The following ASIC2 variants were observed in gnomAD, a reference collection of about 807,000 sequenced individuals.
ASIC2 encodes the protein acid-sensing ion channel 2.
In ASIC2, 25 loss-of-function variants were observed where a neutral mutation model predicts 57.3. The observed-to-expected ratio is 0.44, with a 90% CI of 0.32 to 0.61. The LOEUF (loss-of-function observed/expected upper bound fraction) is 0.61. Among genes scored for constraint, ASIC2 ranks in the 20% least tolerant of loss-of-function variants. ASIC2 has a pLI of 0.06. For missense variants in ASIC2, 641 were observed against 738.1 expected (o/e 0.87, Z 1.52); for synonymous variants, 319 against 307.5 (o/e 1.04, Z -0.39).
At chr17:33,507,428 T>C (rs927357298) in intron 1 of ASIC2, among the ~76,000 whole-genome samples, 1 of 152,188 alleles carries the variant, frequency 6.6e-6, no homozygotes, top group Non-Finnish European at 1.5e-5. Context: ...ATTTTCTGAT[T>C]TCCTACCTAG....
rs928786273 is a variant in ASIC2 at position 33,366,960 on chromosome 17, C to T, written c.556-254893G>A. ...GCAAATAGTTTCACTTTCAGTGTTT[C>T]GTGGACTAAGCATTCCCTTTGCTTA... On this transcript the variant is annotated intron_variant, in intron 1 of 9. Transcript: ENST00000359872. Among the ~76,000 whole-genome samples the T allele has an allele frequency of 5.3e-5, 8 of 152,334 alleles. No individual in the cohort carries two copies. In the East Asian group the frequency reaches 9.6e-4, roughly 18 times the overall value.
chr17:33,801,986 A>T (rs1366321986), intron 1 of ASIC2, among the ~76,000 whole-genome samples: 1 of 152,184 alleles, frequency 6.6e-6, no homozygotes, highest in East Asian at 1.9e-4. Flanking sequence ...TGTTTCTCTC[A>T]GGCTAATTGG....
chr17:33,532,773 T>G (rs993460093), intron 1 of ASIC2, among the ~76,000 whole-genome samples: 1 of 152,220 alleles, frequency 6.6e-6, no homozygotes. Context: ...CAGCCCAAGA[T>G]AGCCTCGATA....
chr17:33,452,253 C>T (rs963691365), intron 1 of ASIC2, among the ~76,000 whole-genome samples: 3 of 152,240 alleles, frequency 2.0e-5, no homozygotes, highest in African/African-American at 7.2e-5. Flanking sequence ...TTGATGCTGG[C>T]TCTGGCCCTG....
Position 33,086,851 on chromosome 17 carries a change from CT to C in ASIC2, c.987+2011del, listed in dbSNP as rs1419198825. Among the ~76,000 whole-genome samples, 3 of 152,254 alleles carry C rather than the reference CT, an allele frequency of 2.0e-5. No individual in the cohort carries two copies. In the East Asian group the frequency reaches 5.8e-4, roughly 29 times the overall value. On this transcript the variant is annotated intron_variant, in intron 3 of 9. Coordinates refer to ENST00000225823, the MANE Select transcript of ASIC2 (RefSeq NM_183377.2). ...AAGCACCAGTTAGCAAACCCAGATGCTTTTCACAGGGACCAGCACCCAAGCC... is the reference window on the plus strand; with the variant it reads ...AAGCACCAGTTAGCAAACCCAGATGCTTTCACAGGGACCAGCACCCAAGCC...
At chr17:33,385,545 G>T (rs895729499) in intron 1 of ASIC2, among the ~76,000 whole-genome samples, 1 of 152,132 alleles carries the variant, frequency 6.6e-6, no homozygotes, top group Non-Finnish European at 1.5e-5. Context: ...TGCTCATTTT[G>T]ATCTGTTTAA....
intron 3 of ASIC2, among the ~76,000 whole-genome samples, chr17:33,071,315 A>G (rs2092068248): frequency 1.3e-5 from 2 of 151,994 alleles, no homozygotes; most frequent in African/African-American, 2.4e-5. Context: ...TTTCATTTCA[A>G]TCTCCTCAAG....
chr17:33,102,500 T>C (rs1363727150), intron 2 of ASIC2, among the ~76,000 whole-genome samples: 1 of 152,236 alleles, frequency 6.6e-6, no homozygotes, highest in East Asian at 1.9e-4. Context: ...GTGAGCTTTT[T>C]CCATCTGGAC....
At position 34,156,155 on chromosome 17, in the gene ASIC2, G is replaced by T. The variant is rs1567618711; in HGVS notation, c.378C>A (p.Pro126=). 2 of 1,614,094 alleles carry T rather than the reference G, an allele frequency of 1.2e-6. No homozygotes were observed. The highest frequency in any genetic ancestry group is 1.7e-6 in the Non-Finnish European group (2 of 1,180,020). Residue 126 remains proline, a synonymous_variant, in exon 1 of 10, where the codon CCC becomes CCA. Coordinates refer to the ASIC2 transcript ENST00000359872. This position sits in a 1 kb window ranked among gnomAD's most constrained non-coding sequence, Gnocchi z 4.4. ...CCAGCACGGAGGGGTCAGCCAGATG[G>T]GGGTCCGGGATCTGCAGGTTGACAT...
chr17:33,075,094 A>C (rs576618766), intron 3 of ASIC2, among the ~76,000 whole-genome samples: 2 of 152,218 alleles, frequency 1.3e-5, no homozygotes, highest in South Asian at 4.2e-4. Flanking sequence ...TAACTCCCAC[A>C]ATTCCCATGT....
At chr17:33,309,910 G>C (rs189941441) in intron 1 of ASIC2, among the ~76,000 whole-genome samples, 162 of 145,214 alleles carry the variant, frequency 1.1e-3, no homozygotes, top group African/African-American at 4.1e-3. Context: ...CTATCTGGAG[G>C]TTATTTTGTA....
At chr17:33,548,868 C>T (rs1281894511) in intron 1 of ASIC2, among the ~76,000 whole-genome samples, 1 of 152,102 alleles carries the variant, frequency 6.6e-6, no homozygotes, top group East Asian at 1.9e-4. Flanking sequence ...GGGACTTCTT[C>T]CCGTCATTCA....
chr17:33,351,240 TCTGA>T (rs898618884), intron 1 of ASIC2, among the ~76,000 whole-genome samples: 2 of 151,746 alleles, frequency 1.3e-5, no homozygotes, highest in Non-Finnish European at 1.5e-5. Flanking sequence ...CCTCCTCCTC[TCTGA>T]CTGCCCCTCC....
intron 1 of ASIC2, among the ~76,000 whole-genome samples, chr17:33,136,787 G>T (rs991179023): frequency 6.6e-6 from 1 of 152,132 alleles, no homozygotes; most frequent in Non-Finnish European, 1.5e-5. Context: ...CTCATTGTTG[G>T]GATAGATGGA....
chr17:33,692,979 T>A (rs1414683950), intron 1 of ASIC2, among the ~76,000 whole-genome samples: 1 of 152,220 alleles, frequency 6.6e-6, no homozygotes, highest in Non-Finnish European at 1.5e-5. Flanking sequence ...TTGCATTAAG[T>A]TCTTTAATTT....
At chr17:34,018,541 C>G (rs1279253058) in intron 1 of ASIC2, among the ~76,000 whole-genome samples, 1 of 152,262 alleles carries the variant, frequency 6.6e-6, no homozygotes, top group Non-Finnish European at 1.5e-5. Context: ...AGTGATTCCT[C>G]TCATGAATTT....
chr17:34,090,762 A>G (rs562356914), intron 1 of ASIC2, among the ~76,000 whole-genome samples: 1 of 152,302 alleles, frequency 6.6e-6, no homozygotes, highest in Admixed American at 6.5e-5. Context: ...CTGGGACCCC[A>G]AAAGTACTCA....
chr17:33,362,157 C>A (rs768964658), intron 1 of ASIC2, among the ~76,000 whole-genome samples: 3 of 152,170 alleles, frequency 2.0e-5, no homozygotes, highest in Non-Finnish European at 4.4e-5. Flanking sequence ...GAAACAGGAA[C>A]AACTAGGGGA....
chr17:33,214,716 G>A (rs1447716211), intron 1 of ASIC2, among the ~76,000 whole-genome samples: 1 of 152,096 alleles, frequency 6.6e-6, no homozygotes, highest in Non-Finnish European at 1.5e-5. Flanking sequence ...GTTGATCCCA[G>A]AGTCACAGGG....
Sources: allele counts gnomAD v4.1 joint callset (sites outside exome capture counted in the v4.1 genomes callset), GRCh38; gene constraint gnomAD v4.1.1; non-coding constraint Gnocchi (gnomAD v3.1); transcripts MANE v1.5; gene names NCBI Gene and HGNC (gene_info 2026-07-23, HGNC 2026-07-21).